The following FRMD3 variants were observed in gnomAD, a reference collection of about 807,000 sequenced individuals.
FRMD3 encodes FERM domain-containing protein 3.
FRMD3 carries 33 observed loss-of-function variants against 70.2 expected under a neutral mutation model. The observed-to-expected ratio is 0.47, with a 90% CI of 0.36 to 0.63. The LOEUF is 0.63. FRMD3 is among the 20% of genes least tolerant of loss of function. The pLI, the probability that FRMD3 is intolerant of heterozygous loss-of-function variation, is 0.00. For missense variants in FRMD3, 632 were observed against 711.4 expected (o/e 0.89, Z 1.27); for synonymous variants, 279 against 255.9 (o/e 1.09, Z -0.86).
intron 13 of FRMD3, among the ~76,000 whole-genome samples, chr9:83,283,795 CA>C (rs1344625735): frequency 2.6e-5 from 4 of 152,068 alleles, no homozygotes; most frequent in African/African-American, 9.7e-5. Context: ...ATGCTTAAAA[CA>C]GCACTTTTTA....
rs1564021894 is a variant in FRMD3 at position 83,335,650 on chromosome 9, T to TG, written c.473-12dup. The TG allele has an allele frequency of 6.2e-7, 1 of 1,606,324 alleles. No individual in the cohort carries two copies. Among genetic ancestry groups the TG allele is most frequent in the South Asian group, 1.1e-5 (1 of 89,446 alleles). The stretch of plus-strand genomic sequence containing the variant: ...AATCACCAAGCTCAGCTGTAATGAG[T>TG]GAAAAAATAAAGAGACAGAGAAAGA... On this transcript the variant is annotated splice_polypyrimidine_tract_variant and intron_variant, in intron 5 of 13. Transcript: ENST00000304195.
At chr9:83,345,925 T>C (rs10780596) in intron 4 of FRMD3, among the ~76,000 whole-genome samples, 47,427 of 151,818 alleles carry the variant, frequency 0.31, 7,763 homozygotes, top group Non-Finnish European at 0.35. Flanking sequence ...AAAACTTGTA[T>C]GTGAATGTTC....
intron 1 of FRMD3, among the ~76,000 whole-genome samples, chr9:83,514,240 G>C (rs1587505135): frequency 6.6e-6 from 1 of 152,192 alleles, no homozygotes; most frequent in Non-Finnish European, 1.5e-5. Flanking sequence ...CAGCACAGCA[G>C]TCTGAAGTTG....
chr9:83,380,306 G>A (rs188721149), intron 2 of FRMD3, among the ~76,000 whole-genome samples: 1 of 152,148 alleles, frequency 6.6e-6, no homozygotes, highest in East Asian at 1.9e-4. Context: ...TACACAAAGG[G>A]GGTGAAAAAG....
rs186339174 is a variant in FRMD3, at chr9:83,430,510, C to G, written c.148-40802G>C. Among the ~76,000 whole-genome samples the G allele has an allele frequency of 2.6e-4, 40 of 152,296 alleles. No individual in the cohort carries two copies. The East Asian group carries it at 7.1e-3, about 27-fold the overall frequency. ...AGAGTAGAAAAGAGTAATTAGTAAG[C>G]TGGCAGATCATAAGTCTCTCCACAT... On this transcript the variant is annotated intron_variant, in intron 1 of 13. Coordinates refer to ENST00000304195, the MANE Select transcript of FRMD3 (RefSeq NM_174938.6).
intron 2 of FRMD3, among the ~76,000 whole-genome samples, chr9:83,376,985 AT>A (rs1422579619): frequency 6.6e-6 from 1 of 151,892 alleles, no homozygotes; most frequent in Non-Finnish European, 1.5e-5. Context: ...TGAAAATACT[AT>A]TTTTTCTGCA....
chr9:83,501,881 C>T (rs1318244126), intron 1 of FRMD3, among the ~76,000 whole-genome samples: 5 of 152,158 alleles, frequency 3.3e-5, no homozygotes, highest in East Asian at 1.9e-4. Context: ...GCCAACTCTA[C>T]GTTTAATATC....
the FRMD3 span, among the ~76,000 whole-genome samples, chr9:83,544,654 G>T: frequency 6.6e-6 from 1 of 152,164 alleles, no homozygotes; most frequent in Non-Finnish European, 1.5e-5. Context: ...ACTAGGGACC[G>T]AGATAAGTTT....
intron 1 of FRMD3, among the ~76,000 whole-genome samples, chr9:83,522,989 T>G (rs542658720): frequency 2.0e-5 from 3 of 152,320 alleles, no homozygotes; most frequent in African/African-American, 7.2e-5. Context: ...AACATCCTAG[T>G]ATTTTTCTAT....
chr9:83,378,711 CTTT>C (rs1308762965), intron 2 of FRMD3, among the ~76,000 whole-genome samples: 2 of 97,514 alleles, frequency 2.1e-5, no homozygotes, highest in Non-Finnish European at 4.1e-5. Context: ...AATATGTATA[CTTT>C]ATATTATATA....
At chr9:83,354,570 C>A (rs1401552577) in intron 3 of FRMD3, among the ~76,000 whole-genome samples, 3 of 152,168 alleles carry the variant, frequency 2.0e-5, no homozygotes, top group Admixed American at 6.5e-5. Flanking sequence ...ACCTGGGTAA[C>A]AGGATCATTC....
At chr9:83,458,018 A>G (rs1056241630) in intron 1 of FRMD3, among the ~76,000 whole-genome samples, 194 of 151,444 alleles carry the variant, frequency 1.3e-3, no homozygotes, top group African/African-American at 4.4e-3. Flanking sequence ...AAAAAAAAAA[A>G]AAAACAGGAG....
chr9:83,309,776 G>A, intron 9 of FRMD3, 152 bp from the exon 10 acceptor site: 1 of 556,520 alleles, frequency 1.8e-6, no homozygotes, highest in South Asian at 2.8e-5. Context: ...TATTTACAGT[G>A]TTATTAACAT....
At chr9:83,373,474 A>C (rs1404246164) in intron 2 of FRMD3, among the ~76,000 whole-genome samples, 2 of 152,284 alleles carry the variant, frequency 1.3e-5, no homozygotes, top group Admixed American at 1.3e-4. Context: ...GGAGTAAATG[A>C]TCTTAAATAT....
intron 1 of FRMD3, among the ~76,000 whole-genome samples, chr9:83,463,469 G>T (rs1305550766): frequency 1.3e-5 from 2 of 152,046 alleles, no homozygotes; most frequent in Admixed American, 1.3e-4. Context: ...GAGTAAAAGG[G>T]TGGAAAGCCC....
chr9:83,309,484 A>G, intron 10 of FRMD3, 52 bp downstream of exon 10: 1 of 1,082,254 alleles, frequency 9.2e-7, no homozygotes, highest in Non-Finnish European at 1.4e-6. Flanking sequence ...AAACATAAAG[A>G]ATTCCATGGG....
intron 13 of FRMD3, among the ~76,000 whole-genome samples, chr9:83,270,195 T>C (rs1385544385): frequency 6.6e-6 from 1 of 152,216 alleles, no homozygotes; most frequent in Non-Finnish European, 1.5e-5. Flanking sequence ...GAATTGGGAA[T>C]GCATGTCTGG....
Position 83,389,683 on chromosome 9 carries a change from A to G in FRMD3, c.173T>C (p.Ile58Thr). Residue 58 changes from isoleucine (I) to threonine (T), a missense_variant, in exon 2 of 14, where the codon ATT becomes ACT. By Grantham distance (89) the Ile-to-Thr change is moderately conservative. This residue lies in a region of FRMD3 where 208 missense variants were observed against 247.7 expected (regional missense o/e 0.84). Coordinates refer to ENST00000304195, the MANE Select transcript of FRMD3 (RefSeq NM_174938.6). ...IQRETKGQFL[I>T]DHICNYYSLL... The stretch of plus-strand genomic sequence containing the variant: ...GCTGTAGTAGTTGCAGATGTGGTCA[A>G]TGAGAAACTGCCCTTTGGTTTCCCT... 6.2e-7 allele frequency: 1 copy of G among 1,613,908 alleles called. No individual in the cohort carries two copies. Among genetic ancestry groups the G allele is most frequent in the East Asian group, 2.2e-5 (1 of 44,860 alleles).
At position 83,462,110 on chromosome 9, in the gene FRMD3, G is replaced by C. The variant is rs192763473; in HGVS notation, c.148-72402C>G. Among the ~76,000 whole-genome samples the C allele has an allele frequency of 7.0e-3, 1,061 of 152,298 alleles. 12 individuals are homozygous for C. Among genetic ancestry groups the C allele is most frequent in the African/African-American group, 0.024 (1,000 of 41,562 alleles). ...AAGTTACACAGTCCTGGGTTTGTCT[G>C]TCTTCATTTGTGAAATAAGGAAGTT... is the stretch of plus-strand genomic sequence containing the variant. On this transcript the variant is annotated intron_variant, in intron 1 of 13. Coordinates refer to ENST00000304195, the MANE Select transcript of FRMD3 (RefSeq NM_174938.6).
Sources: gnomAD v4.1 joint callset for allele counts (sites outside exome capture counted in the v4.1 genomes callset) on GRCh38, gnomAD v4.1.1 for gene constraint, gnomAD v4.1.1 regional missense constraint, MANE v1.5 for transcripts, NCBI Gene and HGNC (gene_info 2026-07-23, HGNC 2026-07-21) for gene names.